Variants in MAML3 observed in about 807,000 individuals in gnomAD.
MAML3 encodes mastermind like transcriptional coactivator 3.
MAML3 carries 27 observed loss-of-function variants against 101.9 expected under a neutral mutation model. The ratio of observed to expected loss-of-function variants is 0.27; its 90% CI spans 0.20 to 0.37. The LOEUF is 0.37. MAML3 is among the 10% of genes least tolerant of loss of function. The pLI is 1.00. For missense variants in MAML3, 1,316 were observed against 1,444.9 expected, an observed-to-expected ratio of 0.91 and a Z score of 1.45; for synonymous variants, 501 against 555.9, an observed-to-expected ratio of 0.90 and a Z score of 1.39.
intron 1 of MAML3, among the ~76,000 whole-genome samples, chr4:140,074,796 T>G (rs1727739862): frequency 6.6e-6 from 1 of 152,206 alleles, no homozygotes; most frequent in Non-Finnish European, 1.5e-5. Flanking sequence ...CATGGATGGC[T>G]GAGATAGTGA....
chr4:139,975,307 C>T (rs35654250), intron 1 of MAML3, among the ~76,000 whole-genome samples: 34,462 of 152,096 alleles, frequency 0.23, 4,997 homozygotes, highest in Non-Finnish European at 0.32. Flanking sequence ...GCTCTTTCCT[C>T]AGGTATCTCC....
At chr4:139,878,681 C>T (rs568875446) in intron 2 of MAML3, among the ~76,000 whole-genome samples, 4 of 152,214 alleles carry the variant, frequency 2.6e-5, no homozygotes, top group South Asian at 4.2e-4. Flanking sequence ...GTTGGGCATC[C>T]GGCTGAGGCA....
chr4:140,128,843 G>A (rs1246106329), intron 1 of MAML3, among the ~76,000 whole-genome samples: 1 of 152,210 alleles, frequency 6.6e-6, no homozygotes, highest in Non-Finnish European at 1.5e-5. Context: ...GGGCAGAGTG[G>A]AGAGACCCAG....
intron 1 of MAML3, among the ~76,000 whole-genome samples, chr4:139,928,737 T>A (rs1733318328): frequency 1.3e-5 from 2 of 152,108 alleles, no homozygotes; most frequent in South Asian, 4.1e-4. Context: ...CGGAGCTCCA[T>A]GAACTGCTGG....
chr4:139,910,357 C>T (rs1384292466), intron 1 of MAML3, among the ~76,000 whole-genome samples: 1 of 152,140 alleles, frequency 6.6e-6, no homozygotes. Context: ...GTTGTTTGTC[C>T]AACATTGCTG....
chr4:140,100,495 C>A (rs1394779731), intron 1 of MAML3, among the ~76,000 whole-genome samples: 1 of 152,122 alleles, frequency 6.6e-6, no homozygotes, highest in Non-Finnish European at 1.5e-5. Flanking sequence ...AGTAACTAAA[C>A]AATGCCCCTG....
chr4:140,004,420 G>A (rs879923805), intron 1 of MAML3, among the ~76,000 whole-genome samples: 5 of 152,270 alleles, frequency 3.3e-5, no homozygotes, highest in Non-Finnish European at 5.9e-5. Context: ...TAAAGGCATC[G>A]CATCTTGTTT....
chr4:139,858,533 T>C (rs1030787494), intron 2 of MAML3, among the ~76,000 whole-genome samples: 16 of 151,430 alleles, frequency 1.1e-4, no homozygotes, highest in African/African-American at 3.4e-4. Context: ...AAAAAATGAA[T>C]TCATTGTACG....
intron 1 of MAML3, among the ~76,000 whole-genome samples, chr4:140,051,245 G>A (rs1727262289): frequency 6.6e-6 from 1 of 152,134 alleles, no homozygotes; most frequent in Admixed American, 6.6e-5. Context: ...AGAGCAGTAA[G>A]TCAGATGATT....
chr4:139,851,636 T>C (rs897437230), intron 2 of MAML3, among the ~76,000 whole-genome samples: 7 of 152,224 alleles, frequency 4.6e-5, no homozygotes, highest in African/African-American at 1.7e-4. Context: ...TAAGATAGGC[T>C]GGTTGGGGGC....
intron 1 of MAML3, among the ~76,000 whole-genome samples, chr4:140,079,694 G>A (rs1178818325): frequency 1.3e-5 from 2 of 152,150 alleles, no homozygotes; most frequent in Non-Finnish European, 2.9e-5. Context: ...AAAGCATTTA[G>A]TCAAGGTCTA....
intron 1 of MAML3, among the ~76,000 whole-genome samples, chr4:139,968,038 G>A (rs1286864474): frequency 6.6e-6 from 1 of 151,810 alleles, no homozygotes; most frequent in African/African-American, 2.4e-5. Context: ...CAGCACTTTG[G>A]GAGGCCAAGG....
At chr4:139,989,204 C>T (rs921743416) in intron 1 of MAML3, among the ~76,000 whole-genome samples, 7 of 152,086 alleles carry the variant, frequency 4.6e-5, no homozygotes, top group African/African-American at 1.4e-4. Flanking sequence ...AGGCATTGTC[C>T]GCCAATAAAA....
chr4:139,730,576 G>T lies in MAML3; in HGVS notation c.2171C>A (p.Pro724His). The T allele has an allele frequency of 6.2e-7, 1 of 1,605,620 alleles. No homozygotes were observed. Among genetic ancestry groups the T allele is most frequent in the East Asian group, 2.2e-5 (1 of 44,564 alleles). The change falls in exon 3 of 5, where the codon CCC becomes CAC. Residue 724 changes from proline to histidine, a missense_variant. Physicochemically the swap from Pro to His is moderately conservative, Grantham distance 77 (BLOSUM62 -2). Transcript: ENST00000509479. ...GCTGCCCAGGAAGCCGGGGCCTGCGGGACTGGCTCCTGAGACCATGCCACC... is the reference window on the plus strand; with the variant it reads ...GCTGCCCAGGAAGCCGGGGCCTGCGTGACTGGCTCCTGAGACCATGCCACC... ...GSGGMVSGAS[P>H]AGPGFLGSQP...
intron 2 of MAML3, among the ~76,000 whole-genome samples, chr4:139,876,947 T>C (rs762679366): frequency 1.5e-4 from 23 of 152,326 alleles, no homozygotes; most frequent in Non-Finnish European, 2.8e-4. Flanking sequence ...TTTGTATGAA[T>C]TGGCCAGAGC....
At chr4:139,842,864 C>T (rs562874703) in intron 2 of MAML3, among the ~76,000 whole-genome samples, 10 of 145,198 alleles carry the variant, frequency 6.9e-5, no homozygotes, top group South Asian at 6.8e-4. Context: ...CTGTAACCTC[C>T]GCCTCCTGGT....
At chr4:140,124,924 G>C (rs1324236306) in intron 1 of MAML3, among the ~76,000 whole-genome samples, 2 of 152,116 alleles carry the variant, frequency 1.3e-5, no homozygotes, top group African/African-American at 4.8e-5. Flanking sequence ...AGATGATAGA[G>C]GCCCTATATC....
chr4:139,872,302 A>G (rs1348531037), intron 2 of MAML3, among the ~76,000 whole-genome samples: 1 of 152,254 alleles, frequency 6.6e-6, no homozygotes, highest in Non-Finnish European at 1.5e-5. Flanking sequence ...GGCTCACAAT[A>G]ATGGGAACAC....
chr4:139,905,967 T>C (rs1732816429), intron 1 of MAML3, among the ~76,000 whole-genome samples: 1 of 152,180 alleles, frequency 6.6e-6, no homozygotes, highest in Non-Finnish European at 1.5e-5. Context: ...TGATCCAATA[T>C]CATTCTTGCA....
Sources: gnomAD v4.1 joint callset for allele counts (sites outside exome capture counted in the v4.1 genomes callset) on GRCh38, gnomAD v4.1.1 for gene constraint, MANE v1.5 for transcripts, NCBI Gene and HGNC (gene_info 2026-07-23, HGNC 2026-07-21) for gene names.